Variants in UMODL1 observed in about 807,000 individuals in gnomAD.
UMODL1 encodes the protein uromodulin like 1.
In UMODL1, 128 loss-of-function variants were observed where a neutral mutation model predicts 136.3. That is an observed-to-expected ratio of 0.94 (90% CI 0.81 to 1.09). The LOEUF is 1.09. Among genes scored for constraint, UMODL1 ranks in the 50% least tolerant of loss-of-function variants. The pLI, the probability that UMODL1 is intolerant of heterozygous loss-of-function variation, is 0.00. For missense variants in UMODL1, 1,766 were observed against 1,725.6 expected (o/e 1.02, Z -0.41); for synonymous variants, 721 against 720.0 (o/e 1.00, Z -0.02).
chr21:42,073,182 G>A (rs973538735), intron 1 of UMODL1, among the ~76,000 whole-genome samples: 1 of 152,224 alleles, frequency 6.6e-6, no homozygotes, highest in Non-Finnish European at 1.5e-5. Context: ...CTCAGGTTAC[G>A]ATGAAAAACG....
chr21:42,091,540 G>C (rs2066492313), intron 6 of UMODL1, among the ~76,000 whole-genome samples: 1 of 152,236 alleles, frequency 6.6e-6, no homozygotes, highest in African/African-American at 2.4e-5. Context: ...CAGGAGTCTA[G>C]GGTGTGGAAG....
chr21:42,087,657 A>C (rs976717131), intron 4 of UMODL1, among the ~76,000 whole-genome samples: 6 of 152,228 alleles, frequency 3.9e-5, no homozygotes, highest in African/African-American at 1.4e-4. Context: ...AGAGACCTGC[A>C]GTCTTGGCAA....
Position 42,123,691 on chromosome 21 carries a change from T to TATGA in UMODL1, c.3147+545_3147+548dup, listed in dbSNP as rs1210091979. 2.6e-5 allele frequency among the ~76,000 whole-genome samples: 4 copies of TATGA among 152,038 alleles called. No homozygotes were observed. The highest frequency in any genetic ancestry group is 7.2e-5 in the African/African-American group (3 of 41,396). On this transcript the variant is annotated intron_variant, in intron 17 of 22. Transcript: ENST00000408910. This position sits in a 1 kb window ranked among gnomAD's most constrained non-coding sequence, Gnocchi z 4.4. ...GTGTGCGTGTGGGTGTGCATGCATGTATGAATGTGTGAGTGTGTGAATGTG... is the reference window on the plus strand; with the variant it reads ...GTGTGCGTGTGGGTGTGCATGCATGTATGAATGAATGTGTGAGTGTGTGAATGTG...
chr21:42,072,489 G>C (rs1468691654), intron 1 of UMODL1, among the ~76,000 whole-genome samples: 2 of 152,108 alleles, frequency 1.3e-5, no homozygotes, highest in East Asian at 1.9e-4. Context: ...ATAATGGGTG[G>C]GTATCCTGGG....
At chr21:42,064,772 T>A (rs1439368275) in intron 1 of UMODL1, among the ~76,000 whole-genome samples, 1 of 152,132 alleles carries the variant, frequency 6.6e-6, no homozygotes, top group Non-Finnish European at 1.5e-5. Flanking sequence ...GCCAGACTGG[T>A]CTCTAACTCC....
At chr21:42,095,096 T>G (rs964596314) in intron 6 of UMODL1, among the ~76,000 whole-genome samples, 1 of 119,514 alleles carries the variant, frequency 8.4e-6, no homozygotes, top group Non-Finnish European at 1.8e-5. Context: ...GCTGTTTTTT[T>G]TTTTTTTTTT....
At chr21:42,105,011 G>C (rs948297748) in intron 9 of UMODL1, among the ~76,000 whole-genome samples, 2 of 152,318 alleles carry the variant, frequency 1.3e-5, no homozygotes, top group South Asian at 4.1e-4. Flanking sequence ...TCGTCTCCCG[G>C]GGTGCTGGGT....
chr21:42,111,150 T>C (rs530932000), intron 11 of UMODL1, 29 bp downstream of exon 11: 1 of 1,592,342 alleles, frequency 6.3e-7, no homozygotes, highest in African/African-American at 1.3e-5. Context: ...GGTCTGGGGA[T>C]GGACCAGGGG....
intron 2 of UMODL1, among the ~76,000 whole-genome samples, chr21:42,079,830 G>T (rs1448848853): frequency 1.3e-5 from 2 of 152,194 alleles, no homozygotes; most frequent in African/African-American, 4.8e-5. Flanking sequence ...GCAGATTTTT[G>T]GGGGTTTACC....
At position 42,076,266 on chromosome 21, in the gene UMODL1, G is replaced by T. The variant is rs186221354; in HGVS notation, c.319+19G>T. The T allele has an allele frequency of 1.9e-6, 3 of 1,612,492 alleles. No homozygotes were observed. The highest frequency in any genetic ancestry group is 1.3e-5 in the African/African-American group (1 of 74,898). On this transcript the variant is annotated intron_variant, in intron 2 of 22. Transcript: ENST00000408910. ...GTCTTGCGTGAGTCCAGGGCTGCTGGGCTGGGGCGGGGCCACCCTTGCCGT... is the reference window on the plus strand; with the variant it reads ...GTCTTGCGTGAGTCCAGGGCTGCTGTGCTGGGGCGGGGCCACCCTTGCCGT...
chr21:42,109,753 G>A (rs1569161219), intron 10 of UMODL1, 54 bp downstream of exon 10: 2 of 1,583,620 alleles, frequency 1.3e-6, no homozygotes, highest in Non-Finnish European at 1.7e-6. Context: ...CGAGAATCTG[G>A]GGGTGGGGCA....
At chr21:42,090,183 C>A in intron 5 of UMODL1, 115 bp from the exon 6 acceptor site, 2 of 1,449,694 alleles carry the variant, frequency 1.4e-6, no homozygotes, top group Non-Finnish European at 1.9e-6. Context: ...CACCCCTCAA[C>A]CGACGTGGCA....
Position 42,122,738 on chromosome 21 carries a change from C to A in UMODL1, c.2828-93C>A. ...TCCCAGGTGTGGCTGCTGCAGAGTG[C>A]AGGGCAGCTCCAGTCTGCTCCTTAC... On this transcript the variant is annotated intron_variant, in intron 16 of 22. Transcript: ENST00000408910. This position sits in a 1 kb window ranked among gnomAD's most constrained non-coding sequence, Gnocchi z 4.3. The A allele has an allele frequency of 7.6e-7, 1 of 1,313,488 alleles. No individual in the cohort carries two copies. The allele number at this position is 1,313,488 out of a possible 1,614,324, so 81.4% of individuals were successfully genotyped here.
chr21:42,086,421 G>T, intron 4 of UMODL1: 1 of 426,606 alleles, frequency 2.3e-6, no homozygotes. Context: ...AGATCAGATG[G>T]TGCACACCTC....
In UMODL1 at chr21:42,076,247, C is replaced by T. The variant is rs372480795; in HGVS notation, c.319C>T (p.Pro107Ser). 23 of 1,613,972 alleles carry T rather than the reference C, an allele frequency of 1.4e-5. No homozygotes were observed. The highest frequency in any genetic ancestry group is 1.1e-4 in the South Asian group (10 of 91,080). ...ACAGCTCGGCCTCTACTGTGTCTTG[C>T]GTGAGTCCAGGGCTGCTGGGCTGGG... ...YEQLGLYCVL[P>S]LNQSGQFTSR... The change falls in exon 2 of 23, where the codon CCC (proline) becomes TCC (serine). Residue 107 changes from proline (P) to serine (S), a missense_variant and splice_region_variant. Physicochemically the swap from Pro to Ser is moderately conservative, Grantham distance 74 (BLOSUM62 -1). Transcript: ENST00000408910.
chr21:42,072,759 A>T (rs220279), intron 1 of UMODL1, among the ~76,000 whole-genome samples: 1 of 152,056 alleles, frequency 6.6e-6, no homozygotes, highest in Non-Finnish European at 1.5e-5. Flanking sequence ...GGGTGTGAGC[A>T]CAGGTCCATC....
rs750479030 is a variant in UMODL1, at chr21:42,084,153, C to T, written c.389C>T (p.Thr130Ile). Residue 130 changes from threonine (T) to isoleucine (I), a missense_variant, in exon 3 of 23, where the codon ACC becomes ATC. Transcript: ENST00000408910. ...CCCGCAGAGGGGCCTGAACCATCCA[C>T]CTCCCCCTGCAGCTTGGACATCGAC... Reference protein sequence around the residue: ...ACPAEGPEPSTSPCSLDIDCP... With the variant: ...ACPAEGPEPSISPCSLDIDCP... 5.0e-6 allele frequency: 8 copies of T among 1,614,158 alleles called. No homozygotes were observed. Among genetic ancestry groups the T allele is most frequent in the Admixed American group, 1.7e-5 (1 of 60,032 alleles).
At chr21:42,121,352 G>T (rs1336308503) in intron 16 of UMODL1, 128 bp downstream of exon 16, 31 of 1,142,090 alleles carry the variant, frequency 2.7e-5, no homozygotes, top group Non-Finnish European at 3.6e-5. Flanking sequence ...AGTTTCCTGT[G>T]TGTGATGTGG....
chr21:42,135,374 C>A (rs1006096071), intron 21 of UMODL1, among the ~76,000 whole-genome samples: 3 of 152,206 alleles, frequency 2.0e-5, no homozygotes, highest in African/African-American at 7.2e-5. Context: ...GGCCTGTGGA[C>A]CCCCTGTGGC....
Sources: gnomAD v4.1 joint callset for allele counts (sites outside exome capture counted in the v4.1 genomes callset) on GRCh38, gnomAD v4.1.1 for gene constraint, Gnocchi (gnomAD v3.1) non-coding constraint, MANE v1.5 for transcripts, NCBI Gene and HGNC (gene_info 2026-07-23, HGNC 2026-07-21) for gene names.